Variants in STK32A observed in about 807,000 individuals in gnomAD.
STK32A encodes serine/threonine-protein kinase 32A.
In STK32A, 41 loss-of-function variants were observed where a neutral mutation model predicts 53.2. That is an observed-to-expected ratio of 0.77 (90% CI 0.60 to 1.00). STK32A has a LOEUF of 1.00. Ranked by LOEUF, STK32A falls within the 50% of genes least tolerant of loss-of-function variation. The probability of loss-of-function intolerance (pLI) is 0.00; values close to 1 mark genes in which losing one functional copy is unlikely to be tolerated. For synonymous variants in STK32A, 166 were observed against 162.8 expected (o/e 1.02, Z -0.15); for missense variants, 458 against 485.8 (o/e 0.94, Z 0.54).
rs372480972 is a variant in STK32A at position 147,383,997 on chromosome 5, T to C, written c.*14T>C. 14 of 1,596,010 alleles carry C rather than the reference T, an allele frequency of 8.8e-6. No individual in the cohort carries two copies. The African/African-American group carries it at 1.5e-4, about 17-fold the overall frequency. On this transcript the variant is annotated 3_prime_UTR_variant, in exon 13 of 13. Coordinates refer to ENST00000397936, the MANE Select transcript of STK32A (RefSeq NM_001112724.2). ...AACAACTTGTAAAGGCCTCATGTCT[T>C]CTTCTTGGGACAATCTCATGCCAGA...
chr5:147,246,329 C>A (rs1352643601), intron 2 of STK32A, among the ~76,000 whole-genome samples: 1 of 152,160 alleles, frequency 6.6e-6, no homozygotes, highest in Non-Finnish European at 1.5e-5. Flanking sequence ...AAACAGACCA[C>A]AAACACTGAG....
intron 4 of STK32A, among the ~76,000 whole-genome samples, chr5:147,290,116 T>C (rs960558623): frequency 4.6e-5 from 7 of 152,306 alleles, no homozygotes; most frequent in Non-Finnish European, 8.8e-5. Context: ...GCTATGGGGA[T>C]ATCTTGGTGA....
At chr5:147,267,973 C>G (rs573255094) in intron 2 of STK32A, among the ~76,000 whole-genome samples, 1 of 152,278 alleles carries the variant, frequency 6.6e-6, no homozygotes, top group East Asian at 1.9e-4. Context: ...TTCTAGGCAG[C>G]CTTTAACAAA....
chr5:147,319,590 A>G (rs1210952555), intron 4 of STK32A, among the ~76,000 whole-genome samples: 1 of 151,970 alleles, frequency 6.6e-6, no homozygotes, highest in Non-Finnish European at 1.5e-5. Flanking sequence ...ATTATTCCAG[A>G]GCTATAAGAA....
intron 2 of STK32A, among the ~76,000 whole-genome samples, chr5:147,261,636 T>C (rs944368245): frequency 2.6e-5 from 4 of 152,184 alleles, no homozygotes; most frequent in Non-Finnish European, 5.9e-5. Context: ...ACTGACATAT[T>C]AATTCTTTGA....
chr5:147,364,263 T>C (rs1187997949), intron 8 of STK32A, among the ~76,000 whole-genome samples: 1 of 151,822 alleles, frequency 6.6e-6, no homozygotes, highest in African/African-American at 2.4e-5. Flanking sequence ...ATATCTCATT[T>C]CATCACTCAC....
intron 4 of STK32A, among the ~76,000 whole-genome samples, chr5:147,314,498 C>CAAA (rs1171767950): frequency 2.5e-3 from 26 of 10,598 alleles, no homozygotes; most frequent in African/African-American, 0.017. Context: ...AACTCCATAT[C>CAAA]AAAAAAAACA....
intron 4 of STK32A, among the ~76,000 whole-genome samples, chr5:147,297,748 C>T (rs565426775): frequency 1.7e-3 from 258 of 152,112 alleles, no homozygotes; most frequent in Non-Finnish European, 2.4e-3. Flanking sequence ...GAGGCCAAGG[C>T]GGGTGAATCA....
the STK32A span, chr5:147,400,553 A>G: frequency 1.7e-6 from 2 of 1,178,098 alleles, no homozygotes; most frequent in South Asian, 1.8e-5. Flanking sequence ...CCAGAGCCAC[A>G]TGGTTCCAGA....
intron 4 of STK32A, among the ~76,000 whole-genome samples, chr5:147,297,203 T>G (rs1405741315): frequency 1.3e-5 from 2 of 152,150 alleles, no homozygotes; most frequent in African/African-American, 4.8e-5. Context: ...TCTTGCTCAC[T>G]GCAAATAGAA....
Position 147,342,771 on chromosome 5 carries a change from C to A in STK32A, c.435-235C>A, listed in dbSNP as rs565493581. The A allele has an allele frequency of 2.4e-5, 12 of 508,610 alleles. No individual in the cohort carries two copies. In the Admixed American group the frequency reaches 3.1e-4, roughly 13 times the overall value. 31.5% of individuals were successfully genotyped at this position (508,610 alleles called of 1,614,324 possible). ...GAATGAGAGAGGCCTTGGTTCAGAG[C>A]CCATTTCTTCCATTTACTAGCCTGT... On this transcript the variant is annotated intron_variant, in intron 5 of 12. Coordinates refer to ENST00000397936, the MANE Select transcript of STK32A (RefSeq NM_001112724.2).
intron 2 of STK32A, among the ~76,000 whole-genome samples, chr5:147,260,129 TTC>T (rs1461147148): frequency 1.5e-5 from 2 of 129,646 alleles, no homozygotes; most frequent in African/African-American, 5.9e-5. Context: ...TCTCTCTCTC[TTC>T]TCTGTCTCTC....
At chr5:147,293,300 C>T (rs1752692906) in intron 4 of STK32A, among the ~76,000 whole-genome samples, 1 of 151,944 alleles carries the variant, frequency 6.6e-6, no homozygotes, top group South Asian at 2.1e-4. Flanking sequence ...TTTGGAATCT[C>T]ATTCAATTTT....
intron 10 of STK32A, among the ~76,000 whole-genome samples, chr5:147,373,969 G>A (rs1314428355): frequency 6.6e-6 from 1 of 152,092 alleles, no homozygotes; most frequent in Non-Finnish European, 1.5e-5. Context: ...GGCAGAATAA[G>A]AGGCTTCTAA....
chr5:147,290,913 A>G (rs72492443), intron 4 of STK32A, among the ~76,000 whole-genome samples: 50,682 of 151,994 alleles, frequency 0.33, 8,838 homozygotes, highest in South Asian at 0.6. Context: ...AAAAAAAGAC[A>G]AGGCAGTTCC....
At chr5:147,306,835 C>A (rs116733462) in intron 4 of STK32A, among the ~76,000 whole-genome samples, 3 of 152,032 alleles carry the variant, frequency 2.0e-5, no homozygotes, top group African/African-American at 7.2e-5. Flanking sequence ...AAGAAAGATG[C>A]GTTTATCAGT....
chr5:147,328,301 TA>T (rs954619771), intron 5 of STK32A, among the ~76,000 whole-genome samples: 2 of 152,034 alleles, frequency 1.3e-5, no homozygotes, highest in African/African-American at 4.8e-5. Flanking sequence ...AGTGATGTTT[TA>T]AAAAAAACCA....
intron 5 of STK32A, among the ~76,000 whole-genome samples, chr5:147,335,835 G>C (rs897640815): frequency 2.0e-5 from 3 of 152,208 alleles, no homozygotes; most frequent in Non-Finnish European, 4.4e-5. Flanking sequence ...GTGTGTGCGC[G>C]CATGTGTGCA....
intron 5 of STK32A, among the ~76,000 whole-genome samples, chr5:147,327,405 G>A (rs564241813): frequency 6.6e-6 from 1 of 152,086 alleles, no homozygotes; most frequent in Non-Finnish European, 1.5e-5. Context: ...AAGTGAGAAT[G>A]AAAAAAAGAA....
Sources: allele counts gnomAD v4.1 joint callset (sites outside exome capture counted in the v4.1 genomes callset), GRCh38; gene constraint gnomAD v4.1.1; transcripts MANE v1.5; gene names NCBI Gene and HGNC (gene_info 2026-07-23, HGNC 2026-07-21).